Variants in ZBTB20 observed in about 807,000 individuals in gnomAD.
ZBTB20 encodes the protein zinc finger and BTB domain-containing protein 20.
In ZBTB20, 9 loss-of-function variants were observed where a neutral mutation model predicts 56.9. That is an observed-to-expected ratio of 0.16 (90% CI 0.10 to 0.28). ZBTB20 has a LOEUF of 0.28. Among genes scored for constraint, ZBTB20 ranks in the 10% least tolerant of loss-of-function variants. The probability of loss-of-function intolerance (pLI) is 1.00; values close to 1 mark genes in which losing one functional copy is unlikely to be tolerated. For missense variants in ZBTB20, 655 were observed against 1,003.0 expected, an observed-to-expected ratio of 0.65 and a Z score of 4.69; for synonymous variants, 417 against 420.7, an observed-to-expected ratio of 0.99 and a Z score of 0.11.
chr3:114,325,931 G>A lies in ZBTB20; in HGVS notation c.*13074C>T, dbSNP rs1025492426. 2 of 152,088 alleles carry A rather than the reference G, an allele frequency of 1.3e-5. No homozygotes were observed. The highest frequency in any genetic ancestry group is 2.4e-5 in the African/African-American group (1 of 41,408). 9.4% of individuals were successfully genotyped at this position (152,088 alleles called of 1,614,324 possible). A position where few individuals can be genotyped will look rare whatever the true frequency, so the allele number is the denominator to read the frequency against. On this transcript the variant is annotated 3_prime_UTR_variant, in exon 12 of 12. Coordinates refer to ENST00000675478, the MANE Select transcript of ZBTB20 (RefSeq NM_001348800.3). ...TCTTTTGTGGTGGAGGGGTATAGAT[G>A]GGTGAAGTACTGGCAATGCAGTGCC...
At chr3:114,830,145 T>C (rs2073768024) in intron 4 of ZBTB20, among the ~76,000 whole-genome samples, 1 of 151,904 alleles carries the variant, frequency 6.6e-6, no homozygotes, top group Non-Finnish European at 1.5e-5. Context: ...GCACCCTGTA[T>C]TTCTCTGAAA....
intron 6 of ZBTB20, chr3:114,625,091 A>G (rs1157577233): frequency 6.5e-6 from 1 of 152,932 alleles, no homozygotes; most frequent in African/African-American, 2.4e-5. Flanking sequence ...TTAGGTCAGG[A>G]GCAAAATGAA....
chr3:114,440,107 A>T (rs375169511), intron 7 of ZBTB20, among the ~76,000 whole-genome samples: 83 of 148,328 alleles, frequency 5.6e-4, no homozygotes, highest in African/African-American at 1.4e-3. Context: ...TTTTTTTTTT[A>T]AAAAGTGACT....
At chr3:114,577,777 C>G (rs561851349) in intron 6 of ZBTB20, among the ~76,000 whole-genome samples, 1 of 152,242 alleles carries the variant, frequency 6.6e-6, no homozygotes, top group Admixed American at 6.5e-5. Context: ...AATAAAGATA[C>G]AGCATTATGA....
chr3:114,997,731 T>TA (rs2079084078), intron 2 of ZBTB20, among the ~76,000 whole-genome samples: 1 of 151,768 alleles, frequency 6.6e-6, no homozygotes, highest in Non-Finnish European at 1.5e-5. Flanking sequence ...ATTAGTCTTT[T>TA]TAAGTGGTAG....
At chr3:114,410,020 C>A (rs971095595) in intron 7 of ZBTB20, among the ~76,000 whole-genome samples, 1 of 151,986 alleles carries the variant, frequency 6.6e-6, no homozygotes, top group Non-Finnish European at 1.5e-5. Context: ...TAGCCTTTAT[C>A]GAAGTCTGGG....
At chr3:114,927,085 G>A (rs1004277563) in intron 3 of ZBTB20, among the ~76,000 whole-genome samples, 1 of 152,078 alleles carries the variant, frequency 6.6e-6, no homozygotes, top group African/African-American at 2.4e-5. Flanking sequence ...GTCAAGCTGG[G>A]GACTGCTTAG....
rs1279014627 is a variant in ZBTB20 at position 114,679,826 on chromosome 3, C to G, written c.-295+13702G>C. Among the ~76,000 whole-genome samples, 4 of 152,196 alleles carry G rather than the reference C, an allele frequency of 2.6e-5. No homozygotes were observed. The East Asian group carries it at 7.7e-4, about 29-fold the overall frequency. On this transcript the variant is annotated intron_variant, in intron 6 of 11. Transcript: ENST00000675478. ...ATTATAAATCATTCTACTATAAAGA[C>G]TCATGCACACATATGTTTATTGCAG... is the stretch of plus-strand genomic sequence containing the variant.
intron 6 of ZBTB20, among the ~76,000 whole-genome samples, chr3:114,584,856 A>G (rs895688155): frequency 3.3e-5 from 5 of 152,186 alleles, no homozygotes; most frequent in African/African-American, 9.7e-5. Context: ...ACAAAACACT[A>G]TCAGTGTACC....
chr3:114,554,404 A>G (rs1417704102), intron 6 of ZBTB20, among the ~76,000 whole-genome samples: 1 of 152,160 alleles, frequency 6.6e-6, no homozygotes. Context: ...CTGCAAAGCA[A>G]GGGCTATTTT....
intron 2 of ZBTB20, among the ~76,000 whole-genome samples, chr3:115,038,575 G>A (rs1206519802): frequency 6.6e-6 from 1 of 152,092 alleles, no homozygotes; most frequent in South Asian, 2.1e-4. Flanking sequence ...TCATCCCAGT[G>A]AAGTTTCCTG....
At chr3:114,392,947 C>T (rs762644509) in intron 7 of ZBTB20, among the ~76,000 whole-genome samples, 82 of 152,290 alleles carry the variant, frequency 5.4e-4, no homozygotes, top group Middle Eastern at 6.8e-3. Flanking sequence ...TATTACTTGG[C>T]CAGAAAAGCT....
At chr3:114,443,660 T>C (rs1367515739) in intron 7 of ZBTB20, among the ~76,000 whole-genome samples, 1 of 152,196 alleles carries the variant, frequency 6.6e-6, no homozygotes, top group Non-Finnish European at 1.5e-5. Context: ...TAGGTCAATC[T>C]ATGACCTCGA....
In ZBTB20 at chr3:114,544,989, T is replaced by G. The variant is rs1030051019; in HGVS notation, c.-294-44598A>C. ...TCATGTGGTTATCATGAAGAAACTC[T>G]GTCAGAAAACTAAAATGAAATGGCT... On this transcript the variant is annotated intron_variant, in intron 6 of 11. Transcript: ENST00000675478. 2.0e-5 allele frequency among the ~76,000 whole-genome samples: 3 copies of G among 152,210 alleles called. No homozygotes were observed. In the East Asian group the frequency reaches 5.8e-4, roughly 29 times the overall value.
intron 4 of ZBTB20, among the ~76,000 whole-genome samples, chr3:114,886,424 C>T: frequency 6.6e-6 from 1 of 152,170 alleles, no homozygotes; most frequent in East Asian, 1.9e-4. Flanking sequence ...ATGCAGTCAT[C>T]CAGCACAATA....
intron 6 of ZBTB20, among the ~76,000 whole-genome samples, chr3:114,539,595 T>G (rs2048877299): frequency 6.6e-6 from 1 of 152,134 alleles, no homozygotes. Flanking sequence ...TTCTTTCCAT[T>G]GCATCGTATC....
intron 3 of ZBTB20, among the ~76,000 whole-genome samples, chr3:114,923,784 G>T (rs2076048727): frequency 6.6e-6 from 1 of 152,076 alleles, no homozygotes; most frequent in Non-Finnish European, 1.5e-5. Context: ...GCAACCTACT[G>T]AATGGGAGAA....
At chr3:115,030,916 T>A (rs1247201409) in intron 2 of ZBTB20, among the ~76,000 whole-genome samples, 1 of 151,394 alleles carries the variant, frequency 6.6e-6, no homozygotes, top group African/African-American at 2.4e-5. Context: ...TCTAGGCAGA[T>A]ATCCTACAAA....
chr3:115,125,949 G>T (rs57651782), intron 1 of ZBTB20, among the ~76,000 whole-genome samples: 4,291 of 152,022 alleles, frequency 0.028, 219 homozygotes, highest in African/African-American at 0.097. Flanking sequence ...CAAGCTACAA[G>T]GGAGAAGAGA....
Sources: gnomAD v4.1 joint callset for allele counts (sites outside exome capture counted in the v4.1 genomes callset) on GRCh38, gnomAD v4.1.1 for gene constraint, MANE v1.5 for transcripts, NCBI Gene and HGNC (gene_info 2026-07-23, HGNC 2026-07-21) for gene names.